The following CNTN4 variants were observed in gnomAD, a reference collection of about 807,000 sequenced individuals.
CNTN4 encodes the protein contactin-4.
A neutral mutation model predicts 122.5 loss-of-function variants in CNTN4; 77 were observed. The observed-to-expected ratio is 0.63, with a 90% CI of 0.52 to 0.76. CNTN4 has a LOEUF of 0.76. Ranked by LOEUF, CNTN4 falls within the 30% of genes least tolerant of loss-of-function variation. CNTN4 has a pLI of 0.00. For missense variants in CNTN4, 1,256 were observed against 1,259.1 expected (o/e 1.00, Z 0.04); for synonymous variants, 512 against 447.0 (o/e 1.15, Z -1.83).
intron 12 of CNTN4, among the ~76,000 whole-genome samples, chr3:2,918,357 G>A (rs80177434): frequency 1.8e-3 from 270 of 152,308 alleles, no homozygotes; most frequent in Non-Finnish European, 3.1e-3. Context: ...TGGGTCAGCT[G>A]TTGGACATAC....
In CNTN4 at chr3:2,449,476, G is replaced by A. The variant is rs140920487; in HGVS notation, c.-89+110243G>A. Among the ~76,000 whole-genome samples the A allele has an allele frequency of 1.6e-3, 244 of 152,140 alleles. 1 individual carries two copies. The highest frequency in any genetic ancestry group is 6.8e-3 in the Middle Eastern group (2 of 292). On this transcript the variant is annotated intron_variant, in intron 3 of 24. Transcript: ENST00000418658. ...CTAAAAATACAAAAATTAGCCGGGC[G>A]TGGTGATGCACCCCTGTTATCCCAG...
At chr3:2,512,314 CT>C (rs2076910652) in intron 3 of CNTN4, among the ~76,000 whole-genome samples, 1 of 151,822 alleles carries the variant, frequency 6.6e-6, no homozygotes, top group Non-Finnish European at 1.5e-5. Flanking sequence ...TGTTTAGCCC[CT>C]TATTGCTTTT....
chr3:3,029,431 A>G (rs1026791499), intron 15 of CNTN4, among the ~76,000 whole-genome samples: 1 of 152,208 alleles, frequency 6.6e-6, no homozygotes, highest in African/African-American at 2.4e-5. Context: ...AGAGATTTAG[A>G]TGAAATCACA....
chr3:2,410,891 T>C (rs988152456), intron 3 of CNTN4, among the ~76,000 whole-genome samples: 2 of 152,190 alleles, frequency 1.3e-5, no homozygotes, highest in African/African-American at 4.8e-5. Flanking sequence ...TTTCCTAATT[T>C]TTCATATTAT....
intron 3 of CNTN4, among the ~76,000 whole-genome samples, chr3:2,405,128 A>G (rs2046987141): frequency 6.6e-6 from 1 of 152,128 alleles, no homozygotes; most frequent in Non-Finnish European, 1.5e-5. Context: ...TTTCTTCCCA[A>G]TGTATGAATC....
At chr3:2,512,691 C>T (rs1329354274) in intron 3 of CNTN4, among the ~76,000 whole-genome samples, 2 of 152,088 alleles carry the variant, frequency 1.3e-5, no homozygotes, top group Admixed American at 1.3e-4. Flanking sequence ...ACAGCATGAA[C>T]CAATGGCCAG....
rs570809276 is a variant in CNTN4 at position 2,881,982 on chromosome 3, A to C, written c.653-1163A>C. Reference sequence around the variant, plus strand: ...TATGGGCACAGTTGAATCAAAGATCATAAAAACTGATCAGAGATGGAATAA... The same window carrying C: ...TATGGGCACAGTTGAATCAAAGATCCTAAAAACTGATCAGAGATGGAATAA... On this transcript the variant is annotated intron_variant, in intron 8 of 24. Transcript: ENST00000418658. 5.2e-5 allele frequency among the ~76,000 whole-genome samples: 8 copies of C among 152,392 alleles called. No individual in the cohort carries two copies. The South Asian group carries it at 1.0e-3, about 20-fold the overall frequency.
At position 2,448,989 on chromosome 3, in the gene CNTN4, T is replaced by C. The variant is rs375615303; in HGVS notation, c.-89+109756T>C. The stretch of plus-strand genomic sequence containing the variant: ...AAATCTCCAACCTAGCCCATGTAAC[T>C]TTTTTTTATTATTACACTAATTTCC... On this transcript the variant is annotated intron_variant, in intron 3 of 24. Transcript: ENST00000418658. Among the ~76,000 whole-genome samples the C allele has an allele frequency of 1.0e-3, 153 of 152,146 alleles. 1 individual carries two copies. In the Middle Eastern group the frequency reaches 0.027, roughly 27 times the overall value.
chr3:2,305,375 G>A (rs899944184), intron 2 of CNTN4, among the ~76,000 whole-genome samples: 5 of 152,098 alleles, frequency 3.3e-5, no homozygotes, highest in African/African-American at 1.2e-4. Context: ...GCAAGTCTCT[G>A]AGAATTATTT....
At chr3:2,651,367 T>G (rs965264528) in intron 4 of CNTN4, among the ~76,000 whole-genome samples, 3 of 152,088 alleles carry the variant, frequency 2.0e-5, no homozygotes, top group Non-Finnish European at 4.4e-5. Flanking sequence ...ATTCTCTCCT[T>G]CTCCCAAAAA....
chr3:2,419,147 G>A (rs1052179294), intron 3 of CNTN4, among the ~76,000 whole-genome samples: 1 of 152,114 alleles, frequency 6.6e-6, no homozygotes, highest in African/African-American at 2.4e-5. Flanking sequence ...GTGGCTTTGA[G>A]TAATAGTTTA....
At chr3:2,470,524 G>A (rs56358037) in intron 3 of CNTN4, among the ~76,000 whole-genome samples, 44,148 of 151,994 alleles carry the variant, frequency 0.29, 6,438 homozygotes, top group Middle Eastern at 0.35. Flanking sequence ...CAAGGTTGTA[G>A]ATGTATCTCT....
chr3:2,458,032 G>A (rs977544909), intron 3 of CNTN4, among the ~76,000 whole-genome samples: 5 of 152,012 alleles, frequency 3.3e-5, no homozygotes, highest in Non-Finnish European at 7.4e-5. Flanking sequence ...AATGTGTTCC[G>A]TCTGTGGAAC....
intron 6 of CNTN4, among the ~76,000 whole-genome samples, chr3:2,811,452 ATTAT>A (rs146081354): frequency 2.7e-5 from 4 of 146,460 alleles, no homozygotes; most frequent in Middle Eastern, 3.5e-3. Context: ...TTTTTATTTT[ATTAT>A]TTATTTATTT....
At chr3:2,888,768 G>A (rs979454377) in intron 10 of CNTN4, among the ~76,000 whole-genome samples, 6 of 151,506 alleles carry the variant, frequency 4.0e-5, no homozygotes, top group Non-Finnish European at 5.9e-5. Flanking sequence ...TTCATACACA[G>A]AACCCATGAA....
At chr3:2,878,551 C>CTGTGTGTGTGTGTGTGTGTGTG (rs1256548850) in intron 8 of CNTN4, among the ~76,000 whole-genome samples, 1 of 64,854 alleles carries the variant, frequency 1.5e-5, no homozygotes, top group Non-Finnish European at 3.2e-5. Context: ...AAGAGATGCT[C>CTGTGTGTGTGTGTGTGTGTGTG]TCTGTGTGTG....
At chr3:2,542,056 C>G (rs2078051757) in intron 3 of CNTN4, among the ~76,000 whole-genome samples, 1 of 152,110 alleles carries the variant, frequency 6.6e-6, no homozygotes, top group African/African-American at 2.4e-5. Flanking sequence ...CTGCAGGTAT[C>G]AATCTACCTT....
chr3:2,162,663 G>A (rs866818861), intron 2 of CNTN4, among the ~76,000 whole-genome samples: 55 of 152,308 alleles, frequency 3.6e-4, no homozygotes, highest in African/African-American at 1.3e-3. Context: ...TTGCCATTCT[G>A]CTGGCCATGT....
At chr3:2,363,332 A>C (rs754348860) in intron 3 of CNTN4, among the ~76,000 whole-genome samples, 2 of 152,222 alleles carry the variant, frequency 1.3e-5, no homozygotes, top group Non-Finnish European at 2.9e-5. Flanking sequence ...CCTCTAAAGC[A>C]GGTGTTTTGT....
Sources: gnomAD v4.1 joint callset for allele counts (sites outside exome capture counted in the v4.1 genomes callset) on GRCh38, gnomAD v4.1.1 for gene constraint, MANE v1.5 for transcripts, NCBI Gene and HGNC (gene_info 2026-07-23, HGNC 2026-07-21) for gene names.